Variants in STAP2 observed in about 807,000 individuals in gnomAD.
STAP2 encodes the protein signal transducing adaptor family member 2, also known as signal-transducing adaptor protein 2.
STAP2 carries 58 observed loss-of-function variants against 52.7 expected under a neutral mutation model. The observed-to-expected ratio is 1.10, with a 90% confidence interval of 0.89 to 1.37. STAP2 has a LOEUF of 1.37. Ranked by LOEUF, STAP2 falls within the 40% of genes most tolerant of loss-of-function variation. The probability of loss-of-function intolerance (pLI) is 0.00; values close to 1 mark genes in which losing one functional copy is unlikely to be tolerated. For synonymous variants in STAP2, 231 were observed against 210.5 expected, an observed-to-expected ratio of 1.10 and a Z score of -0.84; for missense variants, 522 against 519.4, an observed-to-expected ratio of 1.00 and a Z score of -0.05.
At chr19:4,327,041 G>A (rs1230020456) in intron 8 of STAP2, 34 bp from the exon 9 acceptor site, 13 of 1,591,140 alleles carry the variant, frequency 8.2e-6, no homozygotes, top group Admixed American at 1.8e-5. Flanking sequence ...AGGAAGCGCG[G>A]CGGCCAGGGG....
chr19:4,337,751 G>A (rs12980953), intron 1 of STAP2, among the ~76,000 whole-genome samples: 2 of 152,056 alleles, frequency 1.3e-5, no homozygotes, highest in Non-Finnish European at 1.5e-5. Flanking sequence ...GCTGAGGCAC[G>A]AGAATCGCTT....
At chr19:4,328,629 T>TTCCCACCCTCC (rs1225295985) in intron 6 of STAP2, 46 bp downstream of exon 6, 3 of 1,422,170 alleles carry the variant, frequency 2.1e-6, no homozygotes, top group African/African-American at 1.5e-5. Flanking sequence ...GCCCACCCTC[T>TTCCCACCCTCC]TCCCACCCTC....
intron 6 of STAP2, 49 bp downstream of exon 6, chr19:4,328,626 C>T: frequency 6.6e-7 from 1 of 1,524,970 alleles, no homozygotes; most frequent in Non-Finnish European, 8.9e-7. Context: ...CGCGCCCACC[C>T]TCTTCCCACC....
intron 8 of STAP2, 52 bp from the exon 9 acceptor site, chr19:4,327,059 G>C (rs1190616443): frequency 6.2e-7 from 1 of 1,604,794 alleles, no homozygotes. Flanking sequence ...GGGCGGCCCG[G>C]TCCGTCCGAG....
In STAP2 at chr19:4,324,094, T is replaced by G. The variant is rs911158142; in HGVS notation, c.*39A>C. ...GAAAAAGAATCTGGCCGCTGGGCCATGCCCTGGGACTAGCCCGCTGGTCCC... is the reference window on the plus strand; with the variant it reads ...GAAAAAGAATCTGGCCGCTGGGCCAGGCCCTGGGACTAGCCCGCTGGTCCC... On this transcript the variant is annotated 3_prime_UTR_variant, in exon 13 of 13. Coordinates refer to ENST00000594605, the MANE Select transcript of STAP2 (RefSeq NM_001013841.2). 1.9e-4 allele frequency: 300 copies of G among 1,544,348 alleles called. No individual in the cohort carries two copies. The highest frequency in any genetic ancestry group is 2.5e-4 in the Non-Finnish European group (286 of 1,140,784).
At chr19:4,332,399 G>T (rs1321720422) in intron 3 of STAP2, among the ~76,000 whole-genome samples, 1 of 150,924 alleles carries the variant, frequency 6.6e-6, no homozygotes, top group Non-Finnish European at 1.5e-5. Flanking sequence ...AGACATGAGG[G>T]TCTCGCTTTG....
intron 1 of STAP2, among the ~76,000 whole-genome samples, chr19:4,336,168 C>T (rs1971977436): frequency 6.6e-6 from 1 of 151,970 alleles, no homozygotes; most frequent in Non-Finnish European, 1.5e-5. Flanking sequence ...CGCACCACCA[C>T]ATCCAGCTAA....
Position 4,325,456 on chromosome 19 carries a change from C to T in STAP2, c.919G>A (p.Glu307Lys). The T allele has an allele frequency of 6.2e-7, 1 of 1,614,160 alleles. No homozygotes were observed. The highest frequency in any genetic ancestry group is 1.1e-5 in the South Asian group (1 of 91,076). Residue 307 changes from glutamate to lysine, a missense_variant, in exon 10 of 13, where the codon GAA becomes AAA. By Grantham distance (56) the Glu-to-Lys change is moderately conservative (BLOSUM62 1). Transcript: ENST00000594605. Reference protein sequence around the residue: ...LPPLPPLPNQEENYVTPIGDG... With the variant: ...LPPLPPLPNQKENYVTPIGDG... ...CCAATGGGGGTCACGTAGTTCTCTTCCTGGTTCGGTAGTGGGGGCAGTGGG... is the reference window on the plus strand; with the variant it reads ...CCAATGGGGGTCACGTAGTTCTCTTTCTGGTTCGGTAGTGGGGGCAGTGGG...
intron 1 of STAP2, among the ~76,000 whole-genome samples, chr19:4,336,383 A>G (rs1971981087): frequency 8.0e-6 from 1 of 125,024 alleles, no homozygotes; most frequent in African/African-American, 3.2e-5. Context: ...CGGTGGCACC[A>G]TCTCAGCTCA....
chr19:4,326,581 C>T (rs1380831504), intron 9 of STAP2, among the ~76,000 whole-genome samples: 2 of 152,122 alleles, frequency 1.3e-5, no homozygotes, highest in Non-Finnish European at 1.5e-5. Context: ...CCTCAATGCC[C>T]ATTTCTACCT....
intron 4 of STAP2, among the ~76,000 whole-genome samples, chr19:4,330,479 C>A (rs375145385): frequency 6.6e-6 from 1 of 150,596 alleles, no homozygotes; most frequent in Non-Finnish European, 1.5e-5. Context: ...GCCAAGATCA[C>A]GCCATTGCAC....
intron 11 of STAP2, 27 bp downstream of exon 11, chr19:4,325,189 A>C (rs1003202959): frequency 1.3e-6 from 2 of 1,538,966 alleles, no homozygotes; most frequent in African/African-American, 2.8e-5. Context: ...CCATCAGGTG[A>C]GGGTGGGATA....
In STAP2 at chr19:4,327,354, G is replaced by A; in HGVS notation, c.622C>T (p.Arg208Trp). 6.2e-7 allele frequency: 1 copy of A among 1,614,070 alleles called. No individual in the cohort carries two copies. The highest frequency in any genetic ancestry group is 8.5e-7 in the Non-Finnish European group (1 of 1,179,982). The change falls in exon 7 of 13, where the codon CGG becomes TGG. Residue 208 changes from arginine (R) to tryptophan (W), a missense_variant. Coordinates refer to ENST00000594605, the MANE Select transcript of STAP2 (RefSeq NM_001013841.2). ...TCGATCACGTACTTGGGGCCCTCCC[G>A]CTTCACCTTGTAATGCCGGACCACG... The part of the protein sequence containing the change: ...THVVRHYKVK[R>W]EGPKYVIDVE...
Position 4,338,688 on chromosome 19 carries a change from A to T in STAP2, c.66T>A (p.Tyr22Ter), listed in dbSNP as rs201098687. ...GCCCCTTCTTCTCTAGAAAGCTCTC[A>T]TAGTAGTGTGAAGGCAGGACACCCT... Reference protein sequence around the residue: ...KPKGVLPSHYYESFLEKKGPC... With the variant: ...KPKGVLPSHY The change falls in exon 1 of 13, where the codon TAT becomes TAA. Residue 22 changes from tyrosine to a stop codon, truncating the protein, a stop_gained. Transcript: ENST00000594605. LOFTEE classifies it high-confidence loss of function. 4.3e-5 allele frequency: 70 copies of T among 1,613,308 alleles called. No homozygotes were observed. Among genetic ancestry groups the T allele is most frequent in the Non-Finnish European group, 5.9e-5 (70 of 1,179,700 alleles).
chr19:4,332,288 AC>A (rs1272381598), intron 3 of STAP2, among the ~76,000 whole-genome samples: 1 of 132,212 alleles, frequency 7.6e-6, no homozygotes, highest in African/African-American at 2.9e-5. Flanking sequence ...GCTCACTGCA[AC>A]CTCCACCTCC....
chr19:4,334,528 G>A (rs1290686291), intron 1 of STAP2, among the ~76,000 whole-genome samples: 12 of 110,436 alleles, frequency 1.1e-4, no homozygotes, highest in African/African-American at 2.9e-4. Context: ...CCACCAATCC[G>A]TCCACCCACC....
chr19:4,337,521 T>C (rs1245502814), intron 1 of STAP2, among the ~76,000 whole-genome samples: 1 of 136,584 alleles, frequency 7.3e-6, no homozygotes, highest in African/African-American at 2.8e-5. Flanking sequence ...TGTGACCCAC[T>C]GCGCCTGGCC....
intron 3 of STAP2, among the ~76,000 whole-genome samples, chr19:4,333,392 A>T (rs949872468): frequency 6.6e-6 from 1 of 152,032 alleles, no homozygotes; most frequent in African/African-American, 2.4e-5. Context: ...GCTACTTGGG[A>T]GGCTGAGGCA....
At chr19:4,328,392 A>G (rs1443026704) in intron 6 of STAP2, among the ~76,000 whole-genome samples, 1 of 124,854 alleles carries the variant, frequency 8.0e-6, no homozygotes, top group East Asian at 2.4e-4. Context: ...CTCAGCTCTG[A>G]CTCCACCCGC....
Sources: gnomAD v4.1 joint callset for allele counts (sites outside exome capture counted in the v4.1 genomes callset) on GRCh38, gnomAD v4.1.1 for gene constraint, MANE v1.5 for transcripts, NCBI Gene and HGNC (gene_info 2026-07-23, HGNC 2026-07-21) for gene names.